The following NCKAP5 variants were observed in gnomAD, a reference collection of about 807,000 sequenced individuals.
The protein encoded by NCKAP5 is NCK associated protein 5.
In NCKAP5, 92 loss-of-function variants were observed where a neutral mutation model predicts 167.0. That is an observed-to-expected ratio of 0.55 (90% CI 0.47 to 0.66). The LOEUF (loss-of-function observed/expected upper bound fraction) is 0.66. Ranked by LOEUF, NCKAP5 falls within the 30% of genes least tolerant of loss-of-function variation. NCKAP5 has a pLI of 0.00. For missense variants in NCKAP5, 2,378 were observed against 2,315.0 expected, an observed-to-expected ratio of 1.03 and a Z score of -0.56; for synonymous variants, 891 against 877.4, an observed-to-expected ratio of 1.02 and a Z score of -0.27.
chr2:133,009,334 C>T (rs1423178970), intron 6 of NCKAP5, among the ~76,000 whole-genome samples: 1 of 152,090 alleles, frequency 6.6e-6, no homozygotes, highest in African/African-American at 2.4e-5. Flanking sequence ...GACTCTTATG[C>T]ATATCTCAAG....
chr2:133,591,004 T>G, the NCKAP5 span, among the ~76,000 whole-genome samples: 23 of 152,178 alleles, frequency 1.5e-4, no homozygotes, highest in African/African-American at 4.8e-4. Flanking sequence ...ACGGGTTGTG[T>G]GTTTGTGTGA....
At chr2:133,351,448 A>C (rs1018829788) in intron 3 of NCKAP5, among the ~76,000 whole-genome samples, 3 of 152,142 alleles carry the variant, frequency 2.0e-5, no homozygotes, top group Admixed American at 6.5e-5. Flanking sequence ...TAGTGTTAAT[A>C]ATAAAGTCAT....
intron 2 of NCKAP5, among the ~76,000 whole-genome samples, chr2:133,554,956 T>G (rs558422632): frequency 2.6e-4 from 40 of 151,996 alleles, no homozygotes; most frequent in Non-Finnish European, 5.0e-4. Flanking sequence ...TGCAGAAAGG[T>G]TACCCTTTCT....
intron 19 of NCKAP5, among the ~76,000 whole-genome samples, chr2:132,720,875 G>A (rs1446623340): frequency 6.6e-6 from 1 of 152,142 alleles, no homozygotes; most frequent in African/African-American, 2.4e-5. Flanking sequence ...GCTGAGTGTG[G>A]TGGGAGGCAC....
At chr2:133,020,801 A>G (rs1025701184) in intron 6 of NCKAP5, among the ~76,000 whole-genome samples, 1 of 152,162 alleles carries the variant, frequency 6.6e-6, no homozygotes, top group Non-Finnish European at 1.5e-5. Flanking sequence ...TCCTCACAAC[A>G]CAAGGTAAAA....
chr2:132,921,831 G>A (rs1558944870), intron 8 of NCKAP5, among the ~76,000 whole-genome samples: 2 of 152,136 alleles, frequency 1.3e-5, no homozygotes, highest in Admixed American at 6.5e-5. Flanking sequence ...TGCTTTCCAG[G>A]TGGGAATGTA....
At chr2:133,647,713 A>AAAGGAAGGAATG in the NCKAP5 span, among the ~76,000 whole-genome samples, 1 of 85,712 alleles carries the variant, frequency 1.2e-5, no homozygotes, top group Admixed American at 1.6e-4. Flanking sequence ...AAAGAAAAAG[A>AAAGGAAGGAATG]AAGGAAGGAA....
chr2:133,050,408 A>C (rs989284764), intron 6 of NCKAP5, among the ~76,000 whole-genome samples: 3 of 152,152 alleles, frequency 2.0e-5, no homozygotes, highest in Non-Finnish European at 2.9e-5. Flanking sequence ...GTTTTATGTT[A>C]GGGGAGTTTA....
intron 4 of NCKAP5, among the ~76,000 whole-genome samples, chr2:133,272,139 AAGG>A (rs1476335643): frequency 6.6e-6 from 1 of 152,042 alleles, no homozygotes; most frequent in Non-Finnish European, 1.5e-5. Flanking sequence ...GATGGAAAGA[AAGG>A]AGTATGTAGA....
chr2:132,855,906 T>G (rs945317414), intron 11 of NCKAP5, among the ~76,000 whole-genome samples: 1 of 152,220 alleles, frequency 6.6e-6, no homozygotes, highest in Non-Finnish European at 1.5e-5. Flanking sequence ...GGCTTATGAC[T>G]GTAATCCCAG....
rs148139472 is a variant in NCKAP5 at position 132,946,645 on chromosome 2, C to T, written c.579+17075G>A. Among the ~76,000 whole-genome samples the T allele has an allele frequency of 2.4e-3, 364 of 152,136 alleles. 3 individuals carry two copies. Among genetic ancestry groups the T allele is most frequent in the African/African-American group, 7.9e-3 (328 of 41,540 alleles). On this transcript the variant is annotated intron_variant, in intron 8 of 19. Transcript: ENST00000409261. ...GGTGCTGTGGCTCACACCGGTAATCCTAGTACTTTGGGAAGCCGAGGGGGG... is the reference window on the plus strand; with the variant it reads ...GGTGCTGTGGCTCACACCGGTAATCTTAGTACTTTGGGAAGCCGAGGGGGG...
At chr2:133,532,073 T>C (rs1685411164) in intron 2 of NCKAP5, among the ~76,000 whole-genome samples, 1 of 152,246 alleles carries the variant, frequency 6.6e-6, no homozygotes, top group Non-Finnish European at 1.5e-5. Flanking sequence ...ATGTGTGTTT[T>C]AGTTTATGTA....
At chr2:133,525,638 T>C (rs1424609336) in intron 2 of NCKAP5, among the ~76,000 whole-genome samples, 1 of 152,242 alleles carries the variant, frequency 6.6e-6, no homozygotes, top group Non-Finnish European at 1.5e-5. Context: ...TGAGATATAA[T>C]TCGTATATCA....
chr2:133,225,779 C>CTT (rs1003972708), intron 4 of NCKAP5, among the ~76,000 whole-genome samples: 418 of 39,722 alleles, frequency 0.011, 110 homozygotes, highest in African/African-American at 0.029. Flanking sequence ...ATGCCCTGTT[C>CTT]TTTTTTTTTT....
chr2:132,998,061 T>C (rs1301683572), intron 6 of NCKAP5, among the ~76,000 whole-genome samples: 1 of 152,204 alleles, frequency 6.6e-6, no homozygotes, highest in East Asian at 1.9e-4. Context: ...TCTTCCCACC[T>C]TAGCACAGAA....
intron 6 of NCKAP5, among the ~76,000 whole-genome samples, chr2:133,080,222 C>A (rs2080755977): frequency 6.6e-6 from 1 of 152,074 alleles, no homozygotes. Context: ...TAAATAACAA[C>A]AACAAAGTCA....
chr2:133,607,557 GA>G, the NCKAP5 span, among the ~76,000 whole-genome samples: 1 of 152,190 alleles, frequency 6.6e-6, no homozygotes, highest in Admixed American at 6.5e-5. Flanking sequence ...GGAGTTGAAA[GA>G]GACTGAGGAA....
chr2:133,630,740 T>C, the NCKAP5 span, among the ~76,000 whole-genome samples: 328 of 152,294 alleles, frequency 2.2e-3, 2 homozygotes, highest in African/African-American at 7.1e-3. Flanking sequence ...TTTTCCCTGT[T>C]GTCCTAGACA....
At chr2:133,567,334 C>T (rs1010532005) in intron 1 of NCKAP5, among the ~76,000 whole-genome samples, 18 of 152,132 alleles carry the variant, frequency 1.2e-4, no homozygotes, top group African/African-American at 3.6e-4. Context: ...ACGGGCCAGC[C>T]GGTGCAGGTG....
Sources: gnomAD v4.1 joint callset for allele counts (sites outside exome capture counted in the v4.1 genomes callset) on GRCh38, gnomAD v4.1.1 for gene constraint, MANE v1.5 for transcripts, NCBI Gene and HGNC (gene_info 2026-07-23, HGNC 2026-07-21) for gene names.